Variants in CHST12 observed in about 807,000 individuals in gnomAD.
CHST12 encodes the protein carbohydrate sulfotransferase 12.
In CHST12, 23 loss-of-function variants were observed where a neutral mutation model predicts 27.9. The observed-to-expected ratio is 0.82, with a 90% CI of 0.59 to 1.17. CHST12 has a LOEUF of 1.17. Among genes scored for constraint, CHST12 ranks in the 50% most tolerant of loss-of-function variants. The pLI, the probability that CHST12 is intolerant of heterozygous loss-of-function variation, is 0.00. For synonymous variants in CHST12, 322 were observed against 273.0 expected, an observed-to-expected ratio of 1.18 and a Z score of -1.77; for missense variants, 682 against 603.0, an observed-to-expected ratio of 1.13 and a Z score of -1.37.
intron 1 of CHST12, among the ~76,000 whole-genome samples, chr7:2,406,893 G>A (rs944220726): frequency 1.3e-5 from 2 of 152,170 alleles, no homozygotes; most frequent in Non-Finnish European, 2.9e-5. Context: ...AGAGCGTGCA[G>A]GAAGGAGCCT....
chr7:2,428,404 C>T (rs1782190105), intron 1 of CHST12, among the ~76,000 whole-genome samples: 1 of 152,018 alleles, frequency 6.6e-6, no homozygotes, highest in Non-Finnish European at 1.5e-5. Context: ...GGGATCTGGC[C>T]AGAAGCCCAC....
intron 1 of CHST12, among the ~76,000 whole-genome samples, chr7:2,425,356 C>G (rs369015834): frequency 6.6e-6 from 1 of 152,168 alleles, no homozygotes; most frequent in Non-Finnish European, 1.5e-5. Context: ...GGGGTCCAGA[C>G]TGTTGGGCTC....
At chr7:2,419,186 A>T (rs144068631) in intron 1 of CHST12, among the ~76,000 whole-genome samples, 1,807 of 152,178 alleles carry the variant, frequency 0.012, 34 homozygotes, top group African/African-American at 0.041. Flanking sequence ...AGGCAGGTAG[A>T]TCACTTGAGC....
chr7:2,424,944 G>A (rs558143395), intron 1 of CHST12, among the ~76,000 whole-genome samples: 6 of 152,286 alleles, frequency 3.9e-5, no homozygotes, highest in African/African-American at 1.4e-4. Flanking sequence ...GGTGGCTCAC[G>A]CCTGTAATCC....
Position 2,440,917 on chromosome 7 carries a change from T to A in CHST12, c.*7033T>A, listed in dbSNP as rs551240970. ...TAAGTTAGCGTGTCTAAATGCACTT[T>A]GAAATCCTAGGATGAAAAAGCCAGG... On this transcript the variant is annotated 3_prime_UTR_variant, in exon 2 of 2. Coordinates refer to ENST00000618655, the MANE Select transcript of CHST12 (RefSeq NM_018641.5). 7 of 152,322 alleles carry A rather than the reference T, an allele frequency of 4.6e-5. No homozygotes were observed. Among genetic ancestry groups the A allele is most frequent in the African/African-American group, 1.7e-4 (7 of 41,592 alleles). 9.4% of individuals were successfully genotyped at this position (152,322 alleles called of 1,614,324 possible).
rs765591289 is a variant in CHST12 at position 2,433,302 on chromosome 7, C to T, written c.663C>T (p.Arg221=). The change falls in exon 2 of 2, where the codon CGC becomes CGT. Residue 221 remains arginine (R), a synonymous_variant. Coordinates refer to ENST00000618655, the MANE Select transcript of CHST12 (RefSeq NM_018641.5). The surrounding 1 kb of genome is among the most constrained non-coding windows in gnomAD (Gnocchi z 6.1). ...SAHLTFNKFW[R]RYGKLSRHLM... The stretch of plus-strand genomic sequence containing the variant: ...ACCTGACCTTCAACAAGTTCTGGCG[C>T]CGCTACGGGAAGCTCTCCCGCCACC... 6.2e-7 allele frequency: 1 copy of T among 1,612,510 alleles called. No homozygotes were observed. Among genetic ancestry groups the T allele is most frequent in the Non-Finnish European group, 8.5e-7 (1 of 1,179,330 alleles).
intron 1 of CHST12, among the ~76,000 whole-genome samples, chr7:2,416,180 C>T (rs1781803611): frequency 6.6e-6 from 1 of 152,176 alleles, no homozygotes; most frequent in South Asian, 2.1e-4. Context: ...TCTTTCGTTC[C>T]TTCGTAAGAA....
chr7:2,422,202 GTTGT>G (rs1477251578), intron 1 of CHST12, among the ~76,000 whole-genome samples: 1 of 151,680 alleles, frequency 6.6e-6, no homozygotes, highest in Non-Finnish European at 1.5e-5. Context: ...TCCCTCTCAA[GTTGT>G]TTGTCATGTT....
At chr7:2,403,469 G>C (rs1435851016), upstream of CHST12, 1 of 152,116 alleles carries the variant, frequency 6.6e-6, no homozygotes, top group East Asian at 1.9e-4. Flanking sequence ...CGGGCTGGCC[G>C]GGCGCAGGCG....
intron 1 of CHST12, among the ~76,000 whole-genome samples, chr7:2,420,727 G>C (rs1042903318): frequency 6.6e-6 from 1 of 152,168 alleles, no homozygotes; most frequent in Non-Finnish European, 1.5e-5. Context: ...CAAGGCTGCA[G>C]TGAGGTTTGA....
chr7:2,433,010 G>A lies in CHST12; in HGVS notation c.371G>A (p.Arg124Gln). 3.1e-6 allele frequency: 5 copies of A among 1,610,930 alleles called. No individual in the cohort carries two copies. Among genetic ancestry groups the A allele is most frequent in the South Asian group, 2.2e-5 (2 of 91,026 alleles). The part of the protein sequence containing the change: ...SPDQGRQQAE[R>Q]RSVLRGFCAN... ...GACCAGGGCCGGCAGCAGGCGGAGC[G>A]GAGGAGCGTGCTGCGGGGCTTCTGC... The change falls in exon 2 of 2, where the codon CGG becomes CAG. Residue 124 changes from arginine (R) to glutamine (Q), a missense_variant. Coordinates refer to ENST00000618655, the MANE Select transcript of CHST12 (RefSeq NM_018641.5). The surrounding 1 kb of genome is among the most constrained non-coding windows in gnomAD (Gnocchi z 6.1).
At chr7:2,416,399 T>A (rs1781810168) in intron 1 of CHST12, among the ~76,000 whole-genome samples, 1 of 152,244 alleles carries the variant, frequency 6.6e-6, no homozygotes, top group Admixed American at 6.5e-5. Flanking sequence ...GATCTCTTCC[T>A]GTGAATCCCG....
chr7:2,413,703 G>A (rs1781729407), intron 1 of CHST12, among the ~76,000 whole-genome samples: 1 of 151,472 alleles, frequency 6.6e-6, no homozygotes, highest in South Asian at 2.1e-4. Flanking sequence ...ATGTACATTG[G>A]GGTTGTTTTC....
intron 1 of CHST12, among the ~76,000 whole-genome samples, chr7:2,428,493 G>T (rs1782192265): frequency 6.6e-6 from 1 of 152,174 alleles, no homozygotes; most frequent in Admixed American, 6.6e-5. Flanking sequence ...GACAGTGAAA[G>T]CTGGGTCCGG....
chr7:2,419,954 C>A, intron 1 of CHST12, among the ~76,000 whole-genome samples: 4 of 137,842 alleles, frequency 2.9e-5, no homozygotes, highest in South Asian at 2.5e-4. Context: ...CAAGTAGAAT[C>A]TTGAAATATT....
chr7:2,422,964 CA>C (rs1782017054), intron 1 of CHST12, among the ~76,000 whole-genome samples: 2 of 149,756 alleles, frequency 1.3e-5, no homozygotes, highest in Admixed American at 6.7e-5. Flanking sequence ...AAAACTTGAA[CA>C]GCACAGGTAC....
At chr7:2,432,416 C>T (rs1782295924) in intron 1 of CHST12, 147 bp from the exon 2 acceptor site, 2 of 590,758 alleles carry the variant, frequency 3.4e-6, no homozygotes, top group African/African-American at 3.7e-5. Flanking sequence ...CTGCTGACCT[C>T]AGCCTCCAGC....
In CHST12 at chr7:2,426,781, A is replaced by G. The variant is rs549469156; in HGVS notation, c.-77-5782A>G. On this transcript the variant is annotated intron_variant, in intron 1 of 1. Transcript: ENST00000618655. The stretch of plus-strand genomic sequence containing the variant: ...CGAGGAAGGTGGATCACTTGAGGTC[A>G]GGAGTTCAAGACCAGCCTGGCCAAC... Among the ~76,000 whole-genome samples the G allele has an allele frequency of 9.2e-5, 14 of 152,220 alleles. No homozygotes were observed. The South Asian group carries it at 2.9e-3, about 32-fold the overall frequency.
chr7:2,406,389 G>C (rs1781523682), intron 1 of CHST12, among the ~76,000 whole-genome samples: 1 of 145,342 alleles, frequency 6.9e-6, no homozygotes, highest in Admixed American at 7.0e-5. Flanking sequence ...GTTGAGTATG[G>C]GGTGGGGGCA....
Sources: allele counts gnomAD v4.1 joint callset (sites outside exome capture counted in the v4.1 genomes callset), GRCh38; gene constraint gnomAD v4.1.1; non-coding constraint Gnocchi (gnomAD v3.1); transcripts MANE v1.5; gene names NCBI Gene and HGNC (gene_info 2026-07-23, HGNC 2026-07-21).